The following ESCO1 variants were observed in gnomAD, a reference collection of about 807,000 sequenced individuals.
The protein encoded by ESCO1 is establishment of sister chromatid cohesion N-acetyltransferase 1, also known as N-acetyltransferase ESCO1.
ESCO1 carries 33 observed loss-of-function variants against 83.5 expected under a neutral mutation model. That is an observed-to-expected ratio of 0.40 (90% confidence interval 0.30 to 0.53). The LOEUF is 0.53. Ranked by LOEUF, ESCO1 falls within the 20% of genes least tolerant of loss-of-function variation. ESCO1 has a pLI of 0.63. For missense variants in ESCO1, 855 were observed against 968.0 expected, an observed-to-expected ratio of 0.88 and a Z score of 1.55; for synonymous variants, 332 against 324.3, an observed-to-expected ratio of 1.02 and a Z score of -0.25.
chr18:21,541,034 A>AT (rs2037898908), intron 8 of ESCO1, among the ~76,000 whole-genome samples: 2 of 152,150 alleles, frequency 1.3e-5, no homozygotes, highest in Non-Finnish European at 2.9e-5. Context: ...ACCATCAGGA[A>AT]TTTTTTGGAG....
intron 8 of ESCO1, among the ~76,000 whole-genome samples, chr18:21,540,366 T>C (rs1157437209): frequency 6.6e-5 from 10 of 152,182 alleles, no homozygotes; most frequent in Admixed American, 6.5e-4. Flanking sequence ...CCCAGATTCT[T>C]GATAAAAGAA....
chr18:21,565,226 T>C (rs1234719309), intron 6 of ESCO1, among the ~76,000 whole-genome samples: 3 of 152,276 alleles, frequency 2.0e-5, no homozygotes, highest in African/African-American at 7.2e-5. Flanking sequence ...TTAAGTTTTA[T>C]AGTTTTAGCT....
chr18:21,573,138 A>T (rs555043630), intron 4 of ESCO1, among the ~76,000 whole-genome samples, 176 bp downstream of exon 4: 27 of 152,334 alleles, frequency 1.8e-4, no homozygotes, highest in South Asian at 2.1e-4. Flanking sequence ...TAAATGTGAG[A>T]CATCTGAAGT....
intron 5 of ESCO1, 50 bp downstream of exon 5, chr18:21,567,930 A>G (rs772025245): frequency 1.4e-6 from 2 of 1,417,532 alleles, no homozygotes; most frequent in Admixed American, 1.8e-5. Flanking sequence ...AATACTGACA[A>G]AAATGTCACT....
chr18:21,564,213 T>A lies in ESCO1; in HGVS notation c.1811A>T (p.Gln604Leu), dbSNP rs376720124. ...AAGTTGTGTACTTACTATAATCAAC[T>A]GTTTTTCATCAGTTTTCTCTGCTTC... ...LKEAEKTDEK[Q>L]LIIDAGQKRF... Residue 604 changes from glutamine (Q) to leucine (L), a missense_variant, in exon 7 of 12, where the codon CAG becomes CTG. By Grantham distance (113) the Gln-to-Leu change is moderately radical. This residue lies in a region of ESCO1 where 726 missense variants were observed against 699.5 expected (regional missense o/e 1.04). Coordinates refer to ENST00000269214, the MANE Select transcript of ESCO1 (RefSeq NM_052911.3). The A allele has an allele frequency of 6.3e-7, 1 of 1,594,886 alleles. No individual in the cohort carries two copies. The highest frequency in any genetic ancestry group is 1.3e-5 in the African/African-American group (1 of 74,576).
At chr18:21,541,887 A>G (rs1040722345) in intron 8 of ESCO1, among the ~76,000 whole-genome samples, 4 of 152,176 alleles carry the variant, frequency 2.6e-5, no homozygotes, top group Non-Finnish European at 5.9e-5. Flanking sequence ...CTATTTTCCT[A>G]TTAAATGCCT....
At chr18:21,540,066 T>C (rs879164146) in intron 8 of ESCO1, 57 bp from the exon 9 acceptor site, 1 of 1,395,018 alleles carries the variant, frequency 7.2e-7, no homozygotes, top group South Asian at 1.4e-5. Flanking sequence ...TTATGTATAT[T>C]CTATTCATTA....
In ESCO1 at chr18:21,574,064, A is replaced by T; in HGVS notation, c.780T>A (p.Asn260Lys). Reference protein sequence around the residue: ...KMATSVVPKKNEMKKSVHTQV... With the variant: ...KMATSVVPKKKEMKKSVHTQV... ...GTGTATGAACCGACTTCTTCATCTCATTCTTTTTCGGGACCACTGAAGTAG... is the reference window on the plus strand; with the variant it reads ...GTGTATGAACCGACTTCTTCATCTCTTTCTTTTTCGGGACCACTGAAGTAG... Residue 260 changes from asparagine (N) to lysine (K), a missense_variant, in exon 4 of 12, where the codon AAT becomes AAA. Around this residue, in one of 2 missense-constraint regions of ESCO1, gnomAD observed 726 missense variants for 699.5 expected, o/e 1.04. Coordinates refer to ENST00000269214, the MANE Select transcript of ESCO1 (RefSeq NM_052911.3). 1.9e-6 allele frequency: 3 copies of T among 1,612,606 alleles called. No homozygotes were observed. The highest frequency in any genetic ancestry group is 2.5e-6 in the Non-Finnish European group (3 of 1,179,990).
chr18:21,565,081 T>C, intron 6 of ESCO1, among the ~76,000 whole-genome samples: 1 of 150,764 alleles, frequency 6.6e-6, no homozygotes, highest in East Asian at 2.0e-4. Context: ...TCTCAAAAAA[T>C]AATAATAATA....
chr18:21,536,225 A>T, intron 9 of ESCO1, 40 bp from the exon 10 acceptor site: 1 of 1,580,556 alleles, frequency 6.3e-7, no homozygotes. Flanking sequence ...AAATGAAAAT[A>T]TTATATACAT....
intron 1 of ESCO1, among the ~76,000 whole-genome samples, chr18:21,594,576 C>T (rs1244560885): frequency 6.6e-6 from 1 of 151,974 alleles, no homozygotes; most frequent in Non-Finnish European, 1.5e-5. Context: ...TGGTGGTGGG[C>T]GCCTGTAGTC....
chr18:21,530,618 G>A, intron 11 of ESCO1, 128 bp from the exon 12 acceptor site: 2 of 721,392 alleles, frequency 2.8e-6, no homozygotes, highest in African/African-American at 1.9e-5. Flanking sequence ...AGATACTGCT[G>A]TATGTGCTCA....
chr18:21,560,587 T>C (rs1267133120), intron 8 of ESCO1, among the ~76,000 whole-genome samples: 1 of 152,088 alleles, frequency 6.6e-6, no homozygotes, highest in African/African-American at 2.4e-5. Flanking sequence ...ACAAGTTAAA[T>C]AGCATTACTT....
chr18:21,540,558 C>A, intron 8 of ESCO1: 1 of 1,304,386 alleles, frequency 7.7e-7, no homozygotes, highest in South Asian at 1.3e-5. Flanking sequence ...AAGAAGGAGA[C>A]TATAAAAAAT....
intron 8 of ESCO1, among the ~76,000 whole-genome samples, chr18:21,558,198 C>T (rs746677601): frequency 6.6e-6 from 1 of 151,758 alleles, no homozygotes; most frequent in African/African-American, 2.4e-5. Flanking sequence ...CAGCTGCTTC[C>T]TAGTTTCTAA....
At chr18:21,537,624 A>G (rs1297922242) in intron 9 of ESCO1, among the ~76,000 whole-genome samples, 1 of 152,228 alleles carries the variant, frequency 6.6e-6, no homozygotes, top group Non-Finnish European at 1.5e-5. Flanking sequence ...AGCATCCTAC[A>G]ACTCCTAATT....
chr18:21,600,083 C>G (rs1347787120), intron 1 of ESCO1, among the ~76,000 whole-genome samples: 1 of 152,248 alleles, frequency 6.6e-6, no homozygotes, highest in South Asian at 2.1e-4. Context: ...AACCAAGACC[C>G]CACATCGCGC....
At chr18:21,586,923 T>C (rs2038589548) in intron 1 of ESCO1, among the ~76,000 whole-genome samples, 1 of 152,230 alleles carries the variant, frequency 6.6e-6, no homozygotes, top group Non-Finnish European at 1.5e-5. Flanking sequence ...CTTCTATTTC[T>C]AGTTTGTTGA....
intron 8 of ESCO1, among the ~76,000 whole-genome samples, chr18:21,554,394 G>A (rs1456566551): frequency 6.6e-6 from 1 of 152,196 alleles, no homozygotes; most frequent in Non-Finnish European, 1.5e-5. Flanking sequence ...TCCTGCAGTA[G>A]GTGAATGGAT....
Sources: allele counts gnomAD v4.1 joint callset (sites outside exome capture counted in the v4.1 genomes callset), GRCh38; gene constraint gnomAD v4.1.1; regional missense constraint gnomAD v4.1.1; transcripts MANE v1.5; gene names NCBI Gene and HGNC (gene_info 2026-07-23, HGNC 2026-07-21).